FYB2: variants seen among roughly 807,000 people sequenced by gnomAD.
FYB2 encodes the protein FYN-binding protein 2.
In FYB2, 103 loss-of-function variants were observed where a neutral mutation model predicts 94.1. The observed-to-expected ratio is 1.09, with a 90% CI of 0.93 to 1.29. The LOEUF (loss-of-function observed/expected upper bound fraction) is 1.29. FYB2 is among the 50% of genes most tolerant of loss of function. The pLI is 0.00. For synonymous variants in FYB2, 293 were observed against 287.9 expected (o/e 1.02, Z -0.18); for missense variants, 896 against 841.5 (o/e 1.06, Z -0.80).
intron 9 of FYB2, among the ~76,000 whole-genome samples, chr1:56,747,206 T>A (rs1213904883): frequency 6.6e-6 from 1 of 151,940 alleles, no homozygotes; most frequent in Non-Finnish European, 1.5e-5. Flanking sequence ...ATGTAAATAA[T>A]GGAAATATCT....
chr1:56,736,349 A>G (rs1388250817), intron 15 of FYB2, among the ~76,000 whole-genome samples: 3 of 150,388 alleles, frequency 2.0e-5, no homozygotes, highest in Non-Finnish European at 4.4e-5. Flanking sequence ...GGAGACTTTT[A>G]TTTTTAACCA....
chr1:56,792,016 A>C (rs1570169544), intron 2 of FYB2, 40 bp downstream of exon 2: 7 of 1,518,042 alleles, frequency 4.6e-6, no homozygotes, highest in Non-Finnish European at 6.1e-6. Context: ...ACATGATGAC[A>C]CCTCCCTAGC....
At chr1:56,782,240 T>TAATC (rs1195659942) in intron 4 of FYB2, among the ~76,000 whole-genome samples, 1 of 152,210 alleles carries the variant, frequency 6.6e-6, no homozygotes, top group Admixed American at 6.5e-5. Flanking sequence ...TTGTACCCAT[T>TAATC]AATCAATCAG....
chr1:56,767,930 T>C lies in FYB2; in HGVS notation c.962A>G (p.Asn321Ser), dbSNP rs762215181. 8 of 1,593,872 alleles carry C rather than the reference T, an allele frequency of 5.0e-6. No individual in the cohort carries two copies. The highest frequency in any genetic ancestry group is 1.7e-4 in the Middle Eastern group (1 of 6,036). Residue 321 changes from asparagine (N) to serine (S), a missense_variant, in exon 5 of 20, where the codon AAT becomes AGT. Transcript: ENST00000343433. ...ATTATGTGGTTCTTCAAATTCTGCATTGAAAAGCCTGGAGAAAAAAGGGTT... is the reference window on the plus strand; with the variant it reads ...ATTATGTGGTTCTTCAAATTCTGCACTGAAAAGCCTGGAGAAAAAAGGGTT... The part of the protein sequence containing the change: ...EGSLSPERLF[N>S]AEFEEPHNYE...
intron 4 of FYB2, among the ~76,000 whole-genome samples, chr1:56,777,967 T>TA (rs1553162949): frequency 6.6e-6 from 1 of 151,642 alleles, no homozygotes; most frequent in Admixed American, 6.6e-5. Flanking sequence ...ATAATTTTTT[T>TA]AAAAAAAGAA....
chr1:56,790,000 T>A (rs1646224350), intron 2 of FYB2, among the ~76,000 whole-genome samples: 1 of 152,208 alleles, frequency 6.6e-6, no homozygotes, highest in Non-Finnish European at 1.5e-5. Context: ...AAGTTCCAAT[T>A]TTACATATAT....
chr1:56,742,164 A>T lies in FYB2; in HGVS notation c.1601T>A (p.Ile534Lys), dbSNP rs761632640. 6.2e-7 allele frequency: 1 copy of T among 1,603,992 alleles called. No homozygotes were observed. The highest frequency in any genetic ancestry group is 1.1e-5 in the South Asian group (1 of 90,402). ...VYKTKNNYPK[I>K]DLDGKEALKR... ...GCCAAGAAAGAGAGAAACTCACTCT[A>T]TCTTTGGGTAGTTGTTCTTTGTTTT... Residue 534 changes from isoleucine to lysine, a missense_variant, in exon 12 of 20, where the codon ATA becomes AAA. Ile to Lys is a moderately radical substitution (Grantham distance 102, BLOSUM62 -3). Coordinates refer to ENST00000343433, the MANE Select transcript of FYB2 (RefSeq NM_001004303.5).
At chr1:56,742,264 A>T in intron 11 of FYB2, 43 bp from the exon 12 acceptor site, 1 of 1,414,862 alleles carries the variant, frequency 7.1e-7, no homozygotes, top group Non-Finnish European at 9.9e-7. Context: ...TTATAATAGC[A>T]ATAGTTCAGA....
chr1:56,723,655 G>T lies in FYB2; in HGVS notation c.1907C>A (p.Thr636Asn). The T allele has an allele frequency of 1.3e-6, 2 of 1,562,960 alleles. No individual in the cohort carries two copies. Among genetic ancestry groups the T allele is most frequent in the East Asian group, 2.3e-5 (1 of 44,106 alleles). ...GTTCTTTTCTAAGTTTTGCTTCTTG[G>T]TTTTGAAGAAATTTCTAGGAGAGAA... is the stretch of plus-strand genomic sequence containing the variant. ...ESFSPRNFFKTKKQNLEKNRM... is the reference protein window; with the variant it reads ...ESFSPRNFFKNKKQNLEKNRM... The change falls in exon 17 of 20, where the codon ACC becomes AAC. Residue 636 changes from threonine to asparagine, a missense_variant. Physicochemically the swap from Thr to Asn is moderately conservative, Grantham distance 65. Transcript: ENST00000343433.
chr1:56,762,593 C>T (rs923074227), intron 5 of FYB2, among the ~76,000 whole-genome samples: 6 of 152,056 alleles, frequency 3.9e-5, no homozygotes, highest in Non-Finnish European at 8.8e-5. Context: ...TACAATCTTT[C>T]TGAAATCATT....
intron 13 of FYB2, among the ~76,000 whole-genome samples, 176 bp downstream of exon 13, chr1:56,740,521 G>T (rs960982484): frequency 5.3e-5 from 8 of 151,924 alleles, no homozygotes; most frequent in African/African-American, 1.9e-4. Flanking sequence ...TCATTAATTA[G>T]TCTCTGTGCA....
chr1:56,721,288 A>T (rs568172652), intron 17 of FYB2, among the ~76,000 whole-genome samples: 1 of 152,062 alleles, frequency 6.6e-6, no homozygotes, highest in Non-Finnish European at 1.5e-5. Flanking sequence ...AGTGTGACCA[A>T]ATATCTCCTT....
intron 9 of FYB2, among the ~76,000 whole-genome samples, chr1:56,745,535 A>G (rs1023732312): frequency 1.4e-4 from 22 of 151,956 alleles, no homozygotes; most frequent in Non-Finnish European, 2.9e-5. Flanking sequence ...TGTCCACTGT[A>G]GTTTCAAATT....
chr1:56,774,531 G>A (rs1346350753), intron 4 of FYB2, among the ~76,000 whole-genome samples: 1 of 151,940 alleles, frequency 6.6e-6, no homozygotes, highest in Non-Finnish European at 1.5e-5. Context: ...ACATATGTGT[G>A]CATACATATA....
chr1:56,722,887 T>C (rs754802358), intron 17 of FYB2, among the ~76,000 whole-genome samples: 34 of 152,028 alleles, frequency 2.2e-4, no homozygotes, highest in Non-Finnish European at 4.0e-4. Flanking sequence ...CTCAGTCCAG[T>C]GTCTAGCACA....
chr1:56,802,103 T>C (rs572265554), intron 1 of FYB2, among the ~76,000 whole-genome samples: 1 of 152,274 alleles, frequency 6.6e-6, no homozygotes, highest in African/African-American at 2.4e-5. Context: ...GGGCAACTCC[T>C]ACTCATTCAA....
rs140184296 is a variant in FYB2, at chr1:56,785,241, C to A, written c.953+1934G>T. Among the ~76,000 whole-genome samples the A allele has an allele frequency of 4.8e-3, 727 of 152,264 alleles. 4 individuals are homozygous for A. The highest frequency in any genetic ancestry group is 0.024 in the Middle Eastern group (7 of 294). ...AGAAGAGGTCAGCTTAGATTAGAAC[C>A]AATCTGTAGGAAAAATGTGTATCTA... On this transcript the variant is annotated intron_variant, in intron 4 of 19. Coordinates refer to ENST00000343433, the MANE Select transcript of FYB2 (RefSeq NM_001004303.5).
chr1:56,765,500 G>T (rs556868726), intron 5 of FYB2, among the ~76,000 whole-genome samples: 1 of 152,168 alleles, frequency 6.6e-6, no homozygotes, highest in East Asian at 1.9e-4. Flanking sequence ...AGATGTCCAA[G>T]CTCCCCATTC....
intron 4 of FYB2, among the ~76,000 whole-genome samples, chr1:56,774,481 A>G (rs906858536): frequency 7.9e-5 from 12 of 152,014 alleles, no homozygotes; most frequent in Non-Finnish European, 1.6e-4. Flanking sequence ...CACCACCTTC[A>G]CCACTAGTTC....
Sources: allele counts gnomAD v4.1 joint callset (sites outside exome capture counted in the v4.1 genomes callset), GRCh38; gene constraint gnomAD v4.1.1; transcripts MANE v1.5; gene names NCBI Gene and HGNC (gene_info 2026-07-23, HGNC 2026-07-21).